The following NRXN1 variants were observed in gnomAD, a reference collection of about 807,000 sequenced individuals.
The protein encoded by NRXN1 is neurexin-1.
Under a neutral mutation model 150.9 loss-of-function variants are expected in NRXN1, and 39 were observed. That is an observed-to-expected ratio of 0.26 (90% CI 0.20 to 0.34). The LOEUF is 0.34. NRXN1 is among the 10% of genes least tolerant of loss of function. The probability of loss-of-function intolerance (pLI) is 1.00; values close to 1 mark genes in which losing one functional copy is unlikely to be tolerated. For synonymous variants in NRXN1, 924 were observed against 757.0 expected, an observed-to-expected ratio of 1.22 and a Z score of -3.62; for missense variants, 1,815 against 1,949.9, an observed-to-expected ratio of 0.93 and a Z score of 1.30.
At chr2:50,879,355 T>C (rs1234474339) in intron 5 of NRXN1, among the ~76,000 whole-genome samples, 4 of 151,970 alleles carry the variant, frequency 2.6e-5, no homozygotes, top group Non-Finnish European at 5.9e-5. Flanking sequence ...CTCATATAGA[T>C]TGCTTATTTG....
chr2:50,864,116 G>A (rs117083356), intron 5 of NRXN1, among the ~76,000 whole-genome samples: 2,327 of 152,036 alleles, frequency 0.015, 29 homozygotes, highest in Non-Finnish European at 0.023. Flanking sequence ...GTTCCTTTGG[G>A]AAAAAAGTCC....
intron 5 of NRXN1, among the ~76,000 whole-genome samples, chr2:50,835,401 G>A (rs920084723): frequency 6.6e-6 from 1 of 152,020 alleles, no homozygotes; most frequent in Non-Finnish European, 1.5e-5. Context: ...CCAACAATAA[G>A]AGAAAAATTA....
intron 17 of NRXN1, among the ~76,000 whole-genome samples, chr2:50,378,093 A>G (rs1558628762): frequency 6.6e-6 from 1 of 152,184 alleles, no homozygotes; most frequent in Non-Finnish European, 1.5e-5. Context: ...AGAGAATCAC[A>G]TTCAATAGGT....
chr2:50,745,004 T>C (rs1176348570), intron 5 of NRXN1, among the ~76,000 whole-genome samples: 1 of 152,138 alleles, frequency 6.6e-6, no homozygotes, highest in Non-Finnish European at 1.5e-5. Flanking sequence ...AAAGCAACTA[T>C]AAGCACATAG....
chr2:50,212,268 A>G (rs2063076864), intron 18 of NRXN1, among the ~76,000 whole-genome samples: 2 of 150,018 alleles, frequency 1.3e-5, no homozygotes, highest in Admixed American at 6.7e-5. Context: ...AAGCAGTTTC[A>G]TGGTAGTGAA....
chr2:50,754,243 T>C (rs1174658675), intron 5 of NRXN1, among the ~76,000 whole-genome samples: 1 of 151,918 alleles, frequency 6.6e-6, no homozygotes, highest in East Asian at 1.9e-4. Context: ...ATCTCACTTA[T>C]AAATGATTTT....
At chr2:50,180,323 C>A (rs1016332006) in intron 18 of NRXN1, among the ~76,000 whole-genome samples, 3 of 152,098 alleles carry the variant, frequency 2.0e-5, no homozygotes, top group Non-Finnish European at 2.9e-5. Flanking sequence ...CTGTGCCAGG[C>A]TCAATTTTTG....
At chr2:50,869,460 A>T (rs1677441629) in intron 5 of NRXN1, among the ~76,000 whole-genome samples, 1 of 151,646 alleles carries the variant, frequency 6.6e-6, no homozygotes, top group South Asian at 2.1e-4. Flanking sequence ...AAAAAAATAA[A>T]AAAAAAAGAT....
intron 5 of NRXN1, among the ~76,000 whole-genome samples, chr2:50,865,313 A>G (rs1335613030): frequency 1.3e-5 from 2 of 151,946 alleles, no homozygotes; most frequent in Non-Finnish European, 1.5e-5. Context: ...TTACAAAACT[A>G]AAGAATAAAA....
chr2:50,039,994 T>A (rs575508803), intron 21 of NRXN1, among the ~76,000 whole-genome samples: 3 of 152,304 alleles, frequency 2.0e-5, no homozygotes, highest in African/African-American at 7.2e-5. Context: ...TCTTAACATA[T>A]AACTGAGATT....
chr2:50,635,603 C>A (rs146691673), intron 5 of NRXN1, among the ~76,000 whole-genome samples: 45 of 152,286 alleles, frequency 3.0e-4, no homozygotes, highest in African/African-American at 1.0e-3. Context: ...CACCAGCTTT[C>A]ATTTCTTTCC....
chr2:50,462,596 A>G (rs2088346306), intron 17 of NRXN1, among the ~76,000 whole-genome samples: 1 of 151,862 alleles, frequency 6.6e-6, no homozygotes, highest in Admixed American at 6.6e-5. Flanking sequence ...GCATATCCAC[A>G]TACACACATG....
intron 2 of NRXN1, among the ~76,000 whole-genome samples, chr2:51,006,715 T>C (rs988555903): frequency 6.6e-6 from 1 of 151,970 alleles, no homozygotes; most frequent in African/African-American, 2.4e-5. Flanking sequence ...TTAACCACTT[T>C]TCAACATCTT....
chr2:50,095,530 A>G (rs1201404627), intron 18 of NRXN1, among the ~76,000 whole-genome samples: 1 of 152,178 alleles, frequency 6.6e-6, no homozygotes, highest in East Asian at 1.9e-4. Context: ...TTAATTATTA[A>G]GAAGGTCTAG....
chr2:50,195,904 G>A (rs1303684078), intron 18 of NRXN1, among the ~76,000 whole-genome samples: 1 of 151,948 alleles, frequency 6.6e-6, no homozygotes, highest in Non-Finnish European at 1.5e-5. Flanking sequence ...TATAATAATA[G>A]TAATATTGTC....
intron 5 of NRXN1, among the ~76,000 whole-genome samples, chr2:50,732,093 G>C (rs1374443177): frequency 1.3e-5 from 2 of 152,040 alleles, no homozygotes; most frequent in Non-Finnish European, 2.9e-5. Flanking sequence ...TCACCTTTCA[G>C]GCTGAACATA....
At chr2:50,400,979 G>C (rs1180267551) in intron 17 of NRXN1, among the ~76,000 whole-genome samples, 2 of 152,090 alleles carry the variant, frequency 1.3e-5, no homozygotes, top group South Asian at 2.1e-4. Context: ...CAGAGCAGAG[G>C]CTCTTGTGAA....
chr2:50,473,377 C>T (rs1455780475), intron 15 of NRXN1, among the ~76,000 whole-genome samples: 2 of 151,352 alleles, frequency 1.3e-5, no homozygotes, highest in East Asian at 1.9e-4. Flanking sequence ...AAAGAGATTA[C>T]AATCTATGTT....
chr2:51,002,127 C>A (rs1256698035), intron 2 of NRXN1, among the ~76,000 whole-genome samples: 2 of 152,058 alleles, frequency 1.3e-5, no homozygotes, highest in Non-Finnish European at 1.5e-5. Flanking sequence ...CAGGTCTTCA[C>A]TTCCTTACAA....
Sources: allele counts gnomAD v4.1 joint callset (sites outside exome capture counted in the v4.1 genomes callset), GRCh38; gene constraint gnomAD v4.1.1; transcripts MANE v1.5; gene names NCBI Gene and HGNC (gene_info 2026-07-23, HGNC 2026-07-21).